RERG: variants seen among roughly 807,000 people sequenced by gnomAD.
RERG encodes RAS like estrogen regulated growth inhibitor.
A neutral mutation model predicts 23.2 loss-of-function variants in RERG; 25 were observed. The observed-to-expected ratio is 1.08, with a 90% CI of 0.79 to 1.50. The LOEUF is 1.50. Ranked by LOEUF, RERG falls within the 40% of genes most tolerant of loss-of-function variation. The pLI, the probability that RERG is intolerant of heterozygous loss-of-function variation, is 0.00. For missense variants in RERG, 253 were observed against 250.1 expected (o/e 1.01, Z -0.08); for synonymous variants, 81 against 89.1 (o/e 0.91, Z 0.51).
chr12:15,181,703 G>A (rs1304659068), intron 2 of RERG, among the ~76,000 whole-genome samples: 1 of 152,208 alleles, frequency 6.6e-6, no homozygotes, highest in Non-Finnish European at 1.5e-5. Context: ...TTATGTCTGG[G>A]TGAATCTTTT....
chr12:15,133,125 T>C (rs148252028), intron 2 of RERG, among the ~76,000 whole-genome samples: 26 of 134,404 alleles, frequency 1.9e-4, no homozygotes, highest in Non-Finnish European at 3.6e-4. Context: ...GGTTCACTCT[T>C]GGGGTTGTAT....
At chr12:15,198,227 C>T (rs771987193) in intron 2 of RERG, among the ~76,000 whole-genome samples, 2 of 151,926 alleles carry the variant, frequency 1.3e-5, no homozygotes, top group African/African-American at 2.4e-5. Context: ...TTTTGTGTAC[C>T]GCTCTCAATG....
Position 15,139,014 on chromosome 12 carries a change from C to CTTTTTTTTTTT in RERG, c.62-17906_62-17896dup, listed in dbSNP as rs34755371. ...TGAAAGTTGTTCACCTGTGTCTAGA[C>CTTTTTTTTTTT]TTTTTTTTTTTTTTTTTTTTTTGCC... On this transcript the variant is annotated intron_variant, in intron 2 of 4. Transcript: ENST00000256953. 9.2e-4 allele frequency among the ~76,000 whole-genome samples: 47 copies of CTTTTTTTTTTT among 51,108 alleles called. 4 individuals are homozygous for CTTTTTTTTTTT. Among genetic ancestry groups the CTTTTTTTTTTT allele is most frequent in the East Asian group, 1.8e-3 (3 of 1,636 alleles). 33.5% of individuals were successfully genotyped at this position (51,108 alleles called of 152,430 possible).
intron 2 of RERG, among the ~76,000 whole-genome samples, chr12:15,206,294 T>C (rs1020080326): frequency 1.3e-5 from 2 of 152,084 alleles, no homozygotes; most frequent in African/African-American, 4.8e-5. Flanking sequence ...ACAGAATATT[T>C]TTTTACTCAC....
chr12:15,219,990 G>C (rs1865492182), intron 1 of RERG, among the ~76,000 whole-genome samples: 1 of 152,054 alleles, frequency 6.6e-6, no homozygotes, highest in South Asian at 2.1e-4. Context: ...TTTATGTTTA[G>C]AAAAATCACT....
chr12:15,202,651 T>G (rs1295214706), intron 2 of RERG, among the ~76,000 whole-genome samples: 5 of 151,742 alleles, frequency 3.3e-5, no homozygotes, highest in African/African-American at 1.2e-4. Flanking sequence ...ATGAATAATG[T>G]TTCATTACAT....
At chr12:15,204,205 TGGCATAAAAACA>T (rs796623779) in intron 2 of RERG, among the ~76,000 whole-genome samples, 36 of 151,942 alleles carry the variant, frequency 2.4e-4, no homozygotes, top group African/African-American at 8.4e-4. Flanking sequence ...AGTATCATAT[TGGCATAAAAACA>T]GGCACATAGA....
chr12:15,213,310 C>T (rs1220369990), intron 2 of RERG, among the ~76,000 whole-genome samples: 2 of 152,186 alleles, frequency 1.3e-5, no homozygotes, highest in Non-Finnish European at 2.9e-5. Flanking sequence ...GGCTTATTGG[C>T]AAGTCTTATC....
chr12:15,171,890 T>A (rs755598399), intron 2 of RERG, among the ~76,000 whole-genome samples: 1 of 152,102 alleles, frequency 6.6e-6, no homozygotes, highest in African/African-American at 2.4e-5. Context: ...GTTCTCCGAC[T>A]TTTTTGAAAT....
At chr12:15,143,112 T>C (rs1041899043) in intron 2 of RERG, among the ~76,000 whole-genome samples, 3 of 152,232 alleles carry the variant, frequency 2.0e-5, no homozygotes, top group African/African-American at 4.8e-5. Context: ...TGTAGGTTAA[T>C]GTAATAGGTT....
chr12:15,173,353 C>G (rs114291554), intron 2 of RERG, among the ~76,000 whole-genome samples: 1,565 of 152,056 alleles, frequency 0.01, 27 homozygotes, highest in African/African-American at 0.036. Context: ...CAGTACCACA[C>G]TGTTTTGATT....
chr12:15,133,533 A>C (rs1263120654), intron 2 of RERG, among the ~76,000 whole-genome samples: 1 of 152,172 alleles, frequency 6.6e-6, no homozygotes, highest in Non-Finnish European at 1.5e-5. Context: ...GGCAATTATG[A>C]ATAAAAGTTC....
intron 2 of RERG, among the ~76,000 whole-genome samples, chr12:15,192,703 C>A (rs143498240): frequency 2.6e-4 from 40 of 152,290 alleles, no homozygotes; most frequent in African/African-American, 9.4e-4. Context: ...ACACCCCACA[C>A]TGTATTTACT....
chr12:15,218,608 A>G (rs1226994640), intron 1 of RERG, among the ~76,000 whole-genome samples: 1 of 152,120 alleles, frequency 6.6e-6, no homozygotes, highest in Non-Finnish European at 1.5e-5. Flanking sequence ...ATTGAGCTCT[A>G]AACTGTCTCC....
intron 2 of RERG, among the ~76,000 whole-genome samples, chr12:15,156,904 A>T (rs1249321454): frequency 6.6e-6 from 1 of 152,224 alleles, no homozygotes; most frequent in South Asian, 2.1e-4. Flanking sequence ...GGATAAAAAT[A>T]GTGCCTATCT....
intron 2 of RERG, among the ~76,000 whole-genome samples, chr12:15,206,356 T>C (rs558648303): frequency 6.6e-6 from 1 of 152,230 alleles, no homozygotes; most frequent in South Asian, 2.1e-4. Context: ...GAGCTCCTTG[T>C]TTTATTACTA....
intron 2 of RERG, among the ~76,000 whole-genome samples, chr12:15,186,899 T>C (rs557753351): frequency 9.8e-5 from 15 of 152,322 alleles, no homozygotes; most frequent in African/African-American, 3.6e-4. Context: ...CAGGAAAAGC[T>C]TCTTGTTAAC....
At chr12:15,147,215 C>T (rs1437993674) in intron 2 of RERG, among the ~76,000 whole-genome samples, 1 of 152,184 alleles carries the variant, frequency 6.6e-6, no homozygotes, top group Non-Finnish European at 1.5e-5. Flanking sequence ...ACCAGAAAGA[C>T]TCCTTGGCCT....
At position 15,149,549 on chromosome 12, in the gene RERG, C is replaced by T. The variant is rs528626656; in HGVS notation, c.62-28430G>A. ...GTTCATTAACAATACTAGTTCATGG[C>T]AGAATGTGACCTGTGTTGCATACTG... On this transcript the variant is annotated intron_variant, in intron 2 of 4. Coordinates refer to ENST00000256953, the MANE Select transcript of RERG (RefSeq NM_032918.3). Among the ~76,000 whole-genome samples the T allele has an allele frequency of 4.6e-5, 7 of 152,220 alleles. No individual in the cohort carries two copies. In the South Asian group the frequency reaches 1.5e-3, roughly 32 times the overall value.
Sources: allele counts gnomAD v4.1 joint callset (sites outside exome capture counted in the v4.1 genomes callset), GRCh38; gene constraint gnomAD v4.1.1; transcripts MANE v1.5; gene names NCBI Gene and HGNC (gene_info 2026-07-23, HGNC 2026-07-21).